Variants in TNS3 observed in about 807,000 individuals in gnomAD.
The protein encoded by TNS3 is tensin 3.
Under a neutral mutation model 140.9 loss-of-function variants are expected in TNS3, and 45 were observed. The ratio of observed to expected loss-of-function variants is 0.32; its 90% CI spans 0.25 to 0.41. TNS3 has a LOEUF of 0.41. Ranked by LOEUF, TNS3 falls within the 10% of genes least tolerant of loss-of-function variation. The pLI, the probability that TNS3 is intolerant of heterozygous loss-of-function variation, is 1.00. For synonymous variants in TNS3, 815 were observed against 788.4 expected (o/e 1.03, Z -0.56); for missense variants, 1,716 against 1,906.7 (o/e 0.90, Z 1.86).
intron 1 of TNS3, among the ~76,000 whole-genome samples, chr7:47,531,425 C>T (rs1371072286): frequency 6.6e-6 from 1 of 152,100 alleles, no homozygotes; most frequent in African/African-American, 2.4e-5. Context: ...TCATCACCAG[C>T]TGACACCTAT....
rs565112267 is a variant in TNS3, at chr7:47,434,224, A to G, written c.324+1058T>C. ...AGGAAAGATATACTGAGAGTCTAATATAACTCAAAGGGAAGCTTCTTTCAA... is the reference window on the plus strand; with the variant it reads ...AGGAAAGATATACTGAGAGTCTAATGTAACTCAAAGGGAAGCTTCTTTCAA... On this transcript the variant is annotated intron_variant, in intron 8 of 30. Transcript: ENST00000311160. Among the ~76,000 whole-genome samples the G allele has an allele frequency of 5.3e-5, 8 of 152,152 alleles. 1 individual carries two copies. The South Asian group carries it at 1.7e-3, about 32-fold the overall frequency.
intron 10 of TNS3, among the ~76,000 whole-genome samples, chr7:47,420,430 T>C (rs759300941): frequency 6.6e-6 from 1 of 152,104 alleles, no homozygotes; most frequent in South Asian, 2.1e-4. Context: ...GGCACGTGCA[T>C]TAACAGAAAA....
intron 3 of TNS3, among the ~76,000 whole-genome samples, chr7:47,506,098 G>T (rs1584786554): frequency 6.6e-6 from 1 of 152,160 alleles, no homozygotes; most frequent in African/African-American, 2.4e-5. Flanking sequence ...CAGCCATGGG[G>T]ACAACCTGTC....
chr7:47,292,122 C>T, intron 26 of TNS3, 90 bp from the exon 27 acceptor site: 2 of 1,301,538 alleles, frequency 1.5e-6, no homozygotes, highest in Non-Finnish European at 2.2e-6. Context: ...TGACAGAATT[C>T]CCAGATGGTG....
chr7:47,304,922 C>A lies in TNS3; in HGVS notation c.2732G>T (p.Arg911Leu), dbSNP rs758690826. 9 of 1,437,044 alleles carry A rather than the reference C, an allele frequency of 6.3e-6. No homozygotes were observed. In the South Asian group the frequency reaches 1.3e-4, roughly 20 times the overall value. The allele number at this position is 1,437,044 out of a possible 1,614,324, so 89.0% of individuals were successfully genotyped here. Residue 911 changes from arginine (R) to leucine (L), a missense_variant, in exon 21 of 31, where the codon CGG (arginine) becomes CTG (leucine). Coordinates refer to ENST00000311160, the MANE Select transcript of TNS3 (RefSeq NM_022748.12). ...GGAGGGCGTCGAGGACGCATCAGCC[C>A]GGAGCATCGTGGATTTGGGTCCGAT... ...SPIGPKSTML[R>L]ADASSTPSFQ...
intron 7 of TNS3, among the ~76,000 whole-genome samples, 152 bp downstream of exon 7, chr7:47,437,110 GA>G (rs1162215096): frequency 2.0e-5 from 3 of 151,174 alleles, no homozygotes; most frequent in South Asian, 2.1e-4. Flanking sequence ...ATTTCAAACT[GA>G]AAAAAAAGTA....
intron 6 of TNS3, among the ~76,000 whole-genome samples, chr7:47,439,016 C>T (rs1795327599): frequency 6.6e-6 from 1 of 152,168 alleles, no homozygotes; most frequent in Non-Finnish European, 1.5e-5. Flanking sequence ...GTGGCTCCAC[C>T]ATCAACTCGA....
intron 4 of TNS3, among the ~76,000 whole-genome samples, chr7:47,470,927 T>C (rs1327821560): frequency 6.6e-6 from 1 of 151,914 alleles, no homozygotes; most frequent in Non-Finnish European, 1.5e-5. Flanking sequence ...GAGGCTCACA[T>C]TGACGGGTGT....
At chr7:47,289,996 C>CTTTAT in intron 27 of TNS3, among the ~76,000 whole-genome samples, 1 of 152,178 alleles carries the variant, frequency 6.6e-6, no homozygotes, top group East Asian at 1.9e-4. Flanking sequence ...TCCAGGATTA[C>CTTTAT]TATAAAGCTA....
At chr7:47,348,651 C>A (rs1027808830) in intron 17 of TNS3, among the ~76,000 whole-genome samples, 8 of 152,158 alleles carry the variant, frequency 5.3e-5, no homozygotes, top group African/African-American at 1.9e-4. Flanking sequence ...TAAATATGTA[C>A]AATTATTATG....
chr7:47,324,630 T>C (rs1027811207), intron 20 of TNS3, among the ~76,000 whole-genome samples: 1 of 152,148 alleles, frequency 6.6e-6, no homozygotes, highest in Non-Finnish European at 1.5e-5. Flanking sequence ...TGCACATCTG[T>C]AGTCCCAGCT....
chr7:47,384,477 G>C (rs896341304), intron 16 of TNS3, among the ~76,000 whole-genome samples: 1 of 152,310 alleles, frequency 6.6e-6, no homozygotes, highest in Non-Finnish European at 1.5e-5. Context: ...TCTCATCACC[G>C]GCATTTCTGT....
intron 1 of TNS3, among the ~76,000 whole-genome samples, chr7:47,581,128 A>ATC (rs1343231143): frequency 6.6e-6 from 1 of 151,694 alleles, no homozygotes; most frequent in Non-Finnish European, 1.5e-5. Context: ...GAACGCCTGA[A>ATC]TCTCTTCCCG....
chr7:47,540,212 T>C (rs568351740), intron 1 of TNS3, among the ~76,000 whole-genome samples: 23 of 151,340 alleles, frequency 1.5e-4, no homozygotes, highest in African/African-American at 3.2e-4. Flanking sequence ...AGGAACAAAA[T>C]GAGGTTCTTC....
At chr7:47,534,000 G>A (rs1048516306) in intron 1 of TNS3, among the ~76,000 whole-genome samples, 7 of 152,148 alleles carry the variant, frequency 4.6e-5, no homozygotes, top group Admixed American at 1.3e-4. Flanking sequence ...ATGGCCAAGC[G>A]CGGTGGCTCA....
chr7:47,415,253 C>G, intron 10 of TNS3, 47 bp from the exon 11 acceptor site: 1 of 1,400,688 alleles, frequency 7.1e-7, no homozygotes, highest in South Asian at 1.3e-5. Flanking sequence ...TGTCTTCAGC[C>G]TCTGCTGAGA....
At chr7:47,489,754 A>G (rs1276494692) in intron 3 of TNS3, among the ~76,000 whole-genome samples, 3 of 152,246 alleles carry the variant, frequency 2.0e-5, no homozygotes, top group African/African-American at 7.2e-5. Context: ...AGTGGCTGAA[A>G]AGCACTTTCA....
chr7:47,387,333 C>G (rs975730266), intron 16 of TNS3, among the ~76,000 whole-genome samples: 1 of 152,212 alleles, frequency 6.6e-6, no homozygotes, highest in Non-Finnish European at 1.5e-5. Context: ...CCTGGAGCCA[C>G]AGGCATAGAG....
At chr7:47,485,593 G>A (rs1040484716) in intron 3 of TNS3, among the ~76,000 whole-genome samples, 1 of 152,242 alleles carries the variant, frequency 6.6e-6, no homozygotes, top group African/African-American at 2.4e-5. Flanking sequence ...AGGCTGGAGA[G>A]AAGGCAGTGG....
Sources: gnomAD v4.1 joint callset for allele counts (sites outside exome capture counted in the v4.1 genomes callset) on GRCh38, gnomAD v4.1.1 for gene constraint, MANE v1.5 for transcripts, NCBI Gene and HGNC (gene_info 2026-07-23, HGNC 2026-07-21) for gene names.